MAGI3: variants seen among roughly 807,000 people sequenced by gnomAD.
MAGI3 encodes the protein membrane-associated guanylate kinase, WW and PDZ domain-containing protein 3.
In MAGI3, 43 loss-of-function variants were observed where a neutral mutation model predicts 121.8. That is an observed-to-expected ratio of 0.35 (90% CI 0.28 to 0.46). The LOEUF (loss-of-function observed/expected upper bound fraction) is 0.46, where lower values mean the gene tolerates loss of function less well. MAGI3 is among the 20% of genes least tolerant of loss of function. The pLI is 1.00. For synonymous variants in MAGI3, 553 were observed against 639.3 expected (o/e 0.86, Z 2.04); for missense variants, 1,547 against 1,797.3 (o/e 0.86, Z 2.52).
chr1:113,442,830 T>A (rs2101462776), intron 1 of MAGI3, among the ~76,000 whole-genome samples: 1 of 152,294 alleles, frequency 6.6e-6, no homozygotes, highest in Middle Eastern at 3.4e-3. Context: ...GCCTCACAGC[T>A]GCTAGTTTTG....
At chr1:113,414,029 CTTA>C (rs1461532648) in intron 1 of MAGI3, among the ~76,000 whole-genome samples, 1 of 152,016 alleles carries the variant, frequency 6.6e-6, no homozygotes, top group East Asian at 1.9e-4. Flanking sequence ...ATAAATAGCT[CTTA>C]TTATTTTGAG....
intron 3 of MAGI3, among the ~76,000 whole-genome samples, chr1:113,582,712 A>G (rs957459727): frequency 6.6e-6 from 1 of 151,966 alleles, no homozygotes; most frequent in African/African-American, 2.4e-5. Flanking sequence ...AGGACAGCTC[A>G]GGGAGGGAGT....
chr1:113,609,672 C>A (rs1008773846), intron 6 of MAGI3, among the ~76,000 whole-genome samples: 2 of 152,012 alleles, frequency 1.3e-5, no homozygotes, highest in African/African-American at 4.8e-5. Flanking sequence ...GAATAGAGCT[C>A]CACCATGAGA....
rs781288992 is a variant in MAGI3, at chr1:113,653,891, C to T, written c.2502C>T (p.Arg834=). 35 of 1,613,978 alleles carry T rather than the reference C, an allele frequency of 2.2e-5. 1 individual carries two copies. The South Asian group carries it at 3.4e-4, about 16-fold the overall frequency. ...TTTCAACACAGAATGGATCTCCCCG[C>T]CTGAACCGGGCAGAGGTCCCAGCCA... The part of the protein sequence containing the change: ...AFISTQNGSP[R]LNRAEVPARP... The change falls in exon 15 of 21, where the codon CGC becomes CGT. Residue 834 remains arginine, a synonymous_variant. Coordinates refer to ENST00000307546, the MANE Select transcript of MAGI3 (RefSeq NM_001142782.2).
intron 1 of MAGI3, among the ~76,000 whole-genome samples, chr1:113,431,079 C>T (rs894198233): frequency 6.6e-6 from 1 of 152,114 alleles, no homozygotes; most frequent in African/African-American, 2.4e-5. Context: ...ATACACAGAC[C>T]TAGTAGGTAA....
chr1:113,672,554 G>GTT, intron 17 of MAGI3, 61 bp from the exon 18 acceptor site: 2 of 1,557,044 alleles, frequency 1.3e-6, no homozygotes, highest in Non-Finnish European at 1.7e-6. Context: ...AAATTAATCT[G>GTT]CCTTTAGACT....
chr1:113,456,445 T>C (rs1041289186), intron 1 of MAGI3, among the ~76,000 whole-genome samples: 1 of 152,214 alleles, frequency 6.6e-6, no homozygotes, highest in Non-Finnish European at 1.5e-5. Context: ...CCAGTTCATT[T>C]TATTTCAATC....
intron 1 of MAGI3, chr1:113,449,670 C>T (rs1654380422): frequency 1.3e-6 from 1 of 768,568 alleles, no homozygotes; most frequent in Non-Finnish European, 2.4e-6. Flanking sequence ...ATATTGAACT[C>T]GAGTTGGAAG....
intron 1 of MAGI3, among the ~76,000 whole-genome samples, chr1:113,432,297 G>T (rs958819302): frequency 6.6e-6 from 1 of 152,094 alleles, no homozygotes; most frequent in African/African-American, 2.4e-5. Flanking sequence ...TTTTTATCAT[G>T]TTAGTTACCT....
intron 1 of MAGI3, among the ~76,000 whole-genome samples, chr1:113,490,768 A>G (rs1347048907): frequency 6.6e-6 from 1 of 152,192 alleles, no homozygotes; most frequent in African/African-American, 2.4e-5. Context: ...AAAGATCAGA[A>G]AGATCAGAAA....
At chr1:113,554,126 C>A (rs1191081412) in intron 2 of MAGI3, among the ~76,000 whole-genome samples, 1 of 152,084 alleles carries the variant, frequency 6.6e-6, no homozygotes, top group Non-Finnish European at 1.5e-5. Flanking sequence ...GAAAATGTGA[C>A]CCATAATCAA....
At chr1:113,647,567 C>CT (rs1343974983) in intron 12 of MAGI3, among the ~76,000 whole-genome samples, 1 of 152,110 alleles carries the variant, frequency 6.6e-6, no homozygotes, top group Non-Finnish European at 1.5e-5. Flanking sequence ...AATGATAAAT[C>CT]TTTTCCAAAG....
At chr1:113,677,732 AT>A (rs371391891) in intron 19 of MAGI3, among the ~76,000 whole-genome samples, 3 of 151,792 alleles carry the variant, frequency 2.0e-5, no homozygotes, top group East Asian at 1.9e-4. Flanking sequence ...TGGTTCTCCT[AT>A]TTTTTTTCCT....
chr1:113,613,382 G>T (rs1650276384), intron 6 of MAGI3, among the ~76,000 whole-genome samples: 1 of 152,110 alleles, frequency 6.6e-6, no homozygotes, highest in Non-Finnish European at 1.5e-5. Flanking sequence ...TGGGGTAGGG[G>T]TAATTCAGAC....
chr1:113,564,710 A>G (rs1046913159), intron 2 of MAGI3, among the ~76,000 whole-genome samples: 2 of 152,166 alleles, frequency 1.3e-5, no homozygotes, highest in Non-Finnish European at 2.9e-5. Context: ...CCTCTAAAAC[A>G]AATGAATGAA....
chr1:113,438,466 A>C (rs1368389955), intron 1 of MAGI3, among the ~76,000 whole-genome samples: 1 of 152,220 alleles, frequency 6.6e-6, no homozygotes, highest in Non-Finnish European at 1.5e-5. Context: ...GTGCTATATT[A>C]GTCCATTTTG....
chr1:113,621,540 A>G (rs1327781261), intron 8 of MAGI3, among the ~76,000 whole-genome samples: 1 of 152,166 alleles, frequency 6.6e-6, no homozygotes, highest in Non-Finnish European at 1.5e-5. Flanking sequence ...CACTCAGTGT[A>G]TACCCAAGAT....
intron 2 of MAGI3, among the ~76,000 whole-genome samples, chr1:113,567,096 G>A (rs1660464891): frequency 6.6e-6 from 1 of 151,202 alleles, no homozygotes; most frequent in African/African-American, 2.4e-5. Flanking sequence ...AAATGAAAAA[G>A]GAGATATTAT....
chr1:113,624,409 G>C (rs1651090097), intron 9 of MAGI3, among the ~76,000 whole-genome samples: 1 of 152,074 alleles, frequency 6.6e-6, no homozygotes, highest in African/African-American at 2.4e-5. Context: ...TTTTAACCAG[G>C]GCAAGAAGAT....
Sources: allele counts gnomAD v4.1 joint callset (sites outside exome capture counted in the v4.1 genomes callset), GRCh38; gene constraint gnomAD v4.1.1; transcripts MANE v1.5; gene names NCBI Gene and HGNC (gene_info 2026-07-23, HGNC 2026-07-21).